The following FBRSL1 variants were observed in gnomAD, a reference collection of about 807,000 sequenced individuals.
FBRSL1 encodes fibrosin like 1.
A neutral mutation model predicts 89.6 loss-of-function variants in FBRSL1; 51 were observed. The observed-to-expected ratio is 0.57, with a 90% CI of 0.45 to 0.72. The LOEUF (loss-of-function observed/expected upper bound fraction) is 0.72. Ranked by LOEUF, FBRSL1 falls within the 30% of genes least tolerant of loss-of-function variation. The pLI, the probability that FBRSL1 is intolerant of heterozygous loss-of-function variation, is 0.00. For missense variants in FBRSL1, 1,618 were observed against 1,451.8 expected (o/e 1.11, Z -1.86); for synonymous variants, 779 against 681.1 (o/e 1.14, Z -2.24).
chr12:132,496,828 C>T (rs1275082108), intron 1 of FBRSL1, among the ~76,000 whole-genome samples: 2 of 141,196 alleles, frequency 1.4e-5, no homozygotes, highest in Admixed American at 1.5e-4. Flanking sequence ...CCCGCGCTTC[C>T]TTCCCAGGCC....
At chr12:132,515,899 CAAAA>C (rs60767937) in intron 2 of FBRSL1, among the ~76,000 whole-genome samples, 5 of 65,614 alleles carry the variant, frequency 7.6e-5, no homozygotes, top group African/African-American at 2.4e-4. Context: ...GACTCCGTCT[CAAAA>C]AAAAAAAAAA....
chr12:132,511,984 ATG>A, intron 2 of FBRSL1: 1 of 985,478 alleles, frequency 1.0e-6, no homozygotes. Context: ...ACAGACGAGC[ATG>A]TGTCTTACGT....
chr12:132,528,154 G>T lies in FBRSL1; in HGVS notation c.615+166G>T, dbSNP rs377556144. ...TGGCCTCAAACACCATGGGGTTGGT[G>T]GGGGGTGGACAAGCTCCAGAGTGAA... is the stretch of plus-strand genomic sequence containing the variant. On this transcript the variant is annotated intron_variant, in intron 4 of 18. Coordinates refer to ENST00000680143, the MANE Select transcript of FBRSL1 (RefSeq NM_001367871.1). Among the ~76,000 whole-genome samples, 117 of 151,806 alleles carry T rather than the reference G, an allele frequency of 7.7e-4. 3 individuals carry two copies. In the South Asian group the frequency reaches 0.023, roughly 30 times the overall value.
At chr12:132,577,195 C>CCCCA (rs1192842025) in intron 15 of FBRSL1, among the ~76,000 whole-genome samples, 1 of 152,050 alleles carries the variant, frequency 6.6e-6, no homozygotes, top group Non-Finnish European at 1.5e-5. Flanking sequence ...TGCTGCTCCT[C>CCCCA]CCCACCAAGT....
chr12:132,503,709 C>T (rs571610089), intron 1 of FBRSL1, among the ~76,000 whole-genome samples: 10 of 152,338 alleles, frequency 6.6e-5, no homozygotes, highest in Admixed American at 4.6e-4. Flanking sequence ...GGGAGGCAGC[C>T]ATGCCAGCTG....
chr12:132,515,489 A>G (rs2034753916), intron 2 of FBRSL1, among the ~76,000 whole-genome samples: 1 of 151,930 alleles, frequency 6.6e-6, no homozygotes, highest in Non-Finnish European at 1.5e-5. Flanking sequence ...ATATGGGAAA[A>G]GAAGAAAGGT....
chr12:132,562,426 C>T (rs532357411), intron 5 of FBRSL1, among the ~76,000 whole-genome samples: 180 of 152,256 alleles, frequency 1.2e-3, no homozygotes, highest in African/African-American at 4.0e-3. Context: ...CCATCCGACC[C>T]GGCCCCTGTG....
chr12:132,577,280 C>A (rs2040440666), intron 15 of FBRSL1, among the ~76,000 whole-genome samples: 1 of 152,198 alleles, frequency 6.6e-6, no homozygotes, highest in African/African-American at 2.4e-5. Flanking sequence ...GCCACCCCTC[C>A]TCCCTGGGGC....
intron 2 of FBRSL1, among the ~76,000 whole-genome samples, chr12:132,514,035 G>A (rs1042712071): frequency 1.3e-5 from 2 of 152,204 alleles, no homozygotes; most frequent in African/African-American, 2.4e-5. Context: ...CCTGCCCTGC[G>A]TGTTGGAAAC....
intron 2 of FBRSL1, among the ~76,000 whole-genome samples, chr12:132,521,846 G>T (rs2035386999): frequency 6.6e-6 from 1 of 152,226 alleles, no homozygotes; most frequent in Non-Finnish European, 1.5e-5. Flanking sequence ...AGGACACGGG[G>T]GCTGGTGTGG....
In FBRSL1 at chr12:132,527,966, C is replaced by A. The variant is rs866543222; in HGVS notation, c.593C>A (p.Ala198Glu). 1.3e-6 allele frequency: 2 copies of A among 1,551,374 alleles called. No individual in the cohort carries two copies. The highest frequency in any genetic ancestry group is 2.0e-5 in the Admixed American group (1 of 50,982). Reference protein sequence around the residue: ...RDPLSDSSAHAVSGRGYSCDS... With the variant: ...RDPLSDSSAHEVSGRGYSCDS... The stretch of plus-strand genomic sequence containing the variant: ...TCCTTCCTGCAGAGCTCTGCGCATG[C>A]GGTCTCGGGGAGAGGCTACTCTGTA... Residue 198 changes from alanine to glutamate, a missense_variant, in exon 4 of 19, where the codon GCG becomes GAG. Ala to Glu is a moderately radical substitution (Grantham distance 107). Coordinates refer to ENST00000680143, the MANE Select transcript of FBRSL1 (RefSeq NM_001367871.1).
chr12:132,563,011 ACCTGGCCCCCACAGCCTGCACCCCACG>A (rs1566208178), intron 5 of FBRSL1, among the ~76,000 whole-genome samples: 85 of 57,562 alleles, frequency 1.5e-3, no homozygotes, highest in African/African-American at 3.4e-3. Context: ...TGCACCCCAC[ACCTGGCCCCCACAGCCTGCACCCCACG>A]CCTGGCCCCC....
At chr12:132,564,048 G>T (rs115834849) in intron 5 of FBRSL1, among the ~76,000 whole-genome samples, 1 of 152,050 alleles carries the variant, frequency 6.6e-6, no homozygotes, top group Non-Finnish European at 1.5e-5. Flanking sequence ...ACACGGCTGC[G>T]TGCTCTTTGT....
chr12:132,581,811 C>T lies in FBRSL1; in HGVS notation c.1983C>T (p.Gly661=). The change falls in exon 17 of 19, where the codon GGC becomes GGT. Residue 661 remains glycine (G), a synonymous_variant. Transcript: ENST00000680143. ...GCAGCCACGCCTTTGGGGGCCTGGG[C>T]AGCCATGCACTGGGTGAGTGACCCA... The part of the protein sequence containing the change: ...SLSSHAFGGL[G]SHALAPGGSI... The T allele has an allele frequency of 6.5e-7, 1 of 1,547,118 alleles. No individual in the cohort carries two copies. Among genetic ancestry groups the T allele is most frequent in the Non-Finnish European group, 8.7e-7 (1 of 1,145,366 alleles).
At chr12:132,507,698 G>C in intron 1 of FBRSL1, among the ~76,000 whole-genome samples, 1 of 152,220 alleles carries the variant, frequency 6.6e-6, no homozygotes. Context: ...TGTCACCTGG[G>C]GGAGCACTTC....
chr12:132,571,788 C>T (rs140833889), intron 9 of FBRSL1: 6,529 of 337,462 alleles, frequency 0.019, 101 homozygotes, highest in Non-Finnish European at 0.026. Flanking sequence ...CTCACGCCTG[C>T]ACTAGATCCC....
chr12:132,519,195 A>G (rs2035129432), intron 2 of FBRSL1, among the ~76,000 whole-genome samples: 1 of 152,236 alleles, frequency 6.6e-6, no homozygotes, highest in Non-Finnish European at 1.5e-5. Context: ...AGCCCCGCCC[A>G]CTGGATGCTT....
At chr12:132,548,550 C>T (rs2037884466) in intron 5 of FBRSL1, among the ~76,000 whole-genome samples, 1 of 152,216 alleles carries the variant, frequency 6.6e-6, no homozygotes, top group Non-Finnish European at 1.5e-5. Flanking sequence ...AGGAGTGAAC[C>T]CCCCGGGCAG....
At chr12:132,527,227 G>A (rs188315180) in intron 3 of FBRSL1, among the ~76,000 whole-genome samples, 2 of 152,208 alleles carry the variant, frequency 1.3e-5, no homozygotes, top group Non-Finnish European at 2.9e-5. Context: ...GGACCCCTCT[G>A]GCGGGTGGGC....
Sources: gnomAD v4.1 joint callset for allele counts (sites outside exome capture counted in the v4.1 genomes callset) on GRCh38, gnomAD v4.1.1 for gene constraint, MANE v1.5 for transcripts, NCBI Gene and HGNC (gene_info 2026-07-23, HGNC 2026-07-21) for gene names.